Variants in CPED1 observed in about 807,000 individuals in gnomAD.
CPED1 encodes the protein cadherin-like and PC-esterase domain-containing protein 1.
A neutral mutation model predicts 128.2 loss-of-function variants in CPED1; 114 were observed. The ratio of observed to expected loss-of-function variants is 0.89; its 90% CI spans 0.76 to 1.04. The LOEUF (loss-of-function observed/expected upper bound fraction) is 1.04. CPED1 is among the 50% of genes least tolerant of loss of function. The pLI, the probability that CPED1 is intolerant of heterozygous loss-of-function variation, is 0.00. For synonymous variants in CPED1, 462 were observed against 426.7 expected (o/e 1.08, Z -1.02); for missense variants, 1,211 against 1,207.1 (o/e 1.00, Z -0.05).
In CPED1 at chr7:121,244,259, A is replaced by T. The variant is rs745600707; in HGVS notation, c.2231A>T (p.Glu744Val). 1 of 1,614,154 alleles carries T rather than the reference A, an allele frequency of 6.2e-7. No homozygotes were observed. Among genetic ancestry groups the T allele is most frequent in the Non-Finnish European group, 8.5e-7 (1 of 1,180,006 alleles). ...GACAACAGGACGTGTGACTGGAGAG[A>T]AATAACCTGGCAGCCCCACAACTGC... Reference protein sequence around the residue: ...CSDNRTCDWREITWQPHNCQY... With the variant: ...CSDNRTCDWRVITWQPHNCQY... Residue 744 changes from glutamate (E) to valine (V), a missense_variant, in exon 18 of 23, where the codon GAA (glutamate) becomes GTA (valine). By Grantham distance (121) the Glu-to-Val change is moderately radical. Transcript: ENST00000310396.
chr7:120,999,678 A>T (rs1016357099), intron 2 of CPED1, among the ~76,000 whole-genome samples: 1 of 152,188 alleles, frequency 6.6e-6, no homozygotes, highest in Non-Finnish European at 1.5e-5. Flanking sequence ...ACACACTAAC[A>T]GGTACGCAAC....
intron 18 of CPED1, among the ~76,000 whole-genome samples, chr7:121,245,154 C>T (rs1408536706): frequency 6.6e-6 from 1 of 152,064 alleles, no homozygotes; most frequent in Non-Finnish European, 1.5e-5. Context: ...GAAAAAAAGG[C>T]CTGGGCAGAA....
rs750939780 is a variant in CPED1 at position 121,015,811 on chromosome 7, G to C, written c.396G>C (p.Arg132Ser). ...ATACGGTTGTCATCGCTGAAGAAAG[G>C]CTCAATGCTGGCCTAGGGCCGGGGC... is the stretch of plus-strand genomic sequence containing the variant. ...HGYTVVIAEE[R>S]LNAGLGPGLL... The change falls in exon 3 of 23, where the codon AGG becomes AGC. Residue 132 changes from arginine (R) to serine (S), a missense_variant. By Grantham distance (110) the Arg-to-Ser change is moderately radical (BLOSUM62 -1). Coordinates refer to ENST00000310396, the MANE Select transcript of CPED1 (RefSeq NM_024913.5). The C allele has an allele frequency of 1.3e-5, 20 of 1,591,972 alleles. No homozygotes were observed. The highest frequency in any genetic ancestry group is 1.6e-5 in the Non-Finnish European group (19 of 1,172,878).
At chr7:121,148,996 A>T (rs1243032806) in intron 16 of CPED1, among the ~76,000 whole-genome samples, 1 of 152,152 alleles carries the variant, frequency 6.6e-6, no homozygotes, top group Non-Finnish European at 1.5e-5. Context: ...GTTTCACGGT[A>T]AGAGATCTTT....
chr7:120,989,938 T>C (rs1796283545), intron 2 of CPED1, 68 bp downstream of exon 2: 2 of 1,575,698 alleles, frequency 1.3e-6, no homozygotes, highest in Non-Finnish European at 1.7e-6. Flanking sequence ...CTGTCCTTTC[T>C]ATAAAACTAA....
At chr7:121,002,675 A>T (rs1054282674) in intron 2 of CPED1, among the ~76,000 whole-genome samples, 1 of 152,044 alleles carries the variant, frequency 6.6e-6, no homozygotes, top group African/African-American at 2.4e-5. Flanking sequence ...TTCTTTTAAA[A>T]AAACAATGAT....
intron 2 of CPED1, among the ~76,000 whole-genome samples, chr7:121,000,533 A>G (rs1791822099): frequency 6.6e-6 from 1 of 152,162 alleles, no homozygotes; most frequent in Admixed American, 6.6e-5. Flanking sequence ...TGGATTTGGC[A>G]GTGCAGAATG....
In CPED1 at chr7:121,187,643, G is replaced by A. The variant is rs116144689; in HGVS notation, c.2055+45502G>A. Among the ~76,000 whole-genome samples, 801 of 152,210 alleles carry A rather than the reference G, an allele frequency of 5.3e-3. 8 individuals are homozygous for A. Among genetic ancestry groups the A allele is most frequent in the African/African-American group, 0.018 (763 of 41,544 alleles). On this transcript the variant is annotated intron_variant, in intron 16 of 22. Transcript: ENST00000310396. ...CAAGAGCAGTAAACACACAAGAGCA[G>A]TAAACACTCTAGGTCTTTCAAACAG...
rs1233185158 is a variant in CPED1, at chr7:121,296,611, T to C, written c.*959T>C. On this transcript the variant is annotated 3_prime_UTR_variant, in exon 23 of 23. Coordinates refer to ENST00000310396, the MANE Select transcript of CPED1 (RefSeq NM_024913.5). ...ATGTCCACAAATAGTATTATGTTAC[T>C]AGTATCTATATTTTGATTTTCCTGA... The C allele has an allele frequency of 6.6e-6, 1 of 152,166 alleles. No individual in the cohort carries two copies. The highest frequency in any genetic ancestry group is 1.5e-5 in the Non-Finnish European group (1 of 67,974). 9.4% of individuals were successfully genotyped at this position (152,166 alleles called of 1,614,324 possible).
chr7:121,239,811 A>G (rs80269068), intron 17 of CPED1, among the ~76,000 whole-genome samples: 9,911 of 152,244 alleles, frequency 0.065, 425 homozygotes, highest in Non-Finnish European at 0.08. Context: ...AGCTATAATT[A>G]TAAGTCAAAT....
At chr7:120,995,843 A>T (rs1305697012) in intron 2 of CPED1, among the ~76,000 whole-genome samples, 9 of 152,138 alleles carry the variant, frequency 5.9e-5, no homozygotes. Context: ...AAAGACCACA[A>T]CATTCTTCAG....
At chr7:121,294,806 C>CAAAAAAAAAAAAAAAA (rs752742828) in intron 22 of CPED1, among the ~76,000 whole-genome samples, 24 of 61,410 alleles carry the variant, frequency 3.9e-4, no homozygotes, top group African/African-American at 1.4e-3. Flanking sequence ...GCCTTCTAAG[C>CAAAAAAAAAAAAAAAA]AAAAAAAAAA....
chr7:121,112,509 T>C (rs1795138464), intron 7 of CPED1, among the ~76,000 whole-genome samples: 1 of 152,060 alleles, frequency 6.6e-6, no homozygotes, highest in Non-Finnish European at 1.5e-5. Flanking sequence ...AGGCAACGAA[T>C]GAATTGTCCC....
chr7:120,995,115 G>A (rs533522466), intron 2 of CPED1, among the ~76,000 whole-genome samples: 2 of 152,196 alleles, frequency 1.3e-5, no homozygotes, highest in South Asian at 4.2e-4. Context: ...TACCTAATAT[G>A]ATATGCTCCC....
chr7:121,223,065 C>T (rs1261457929), intron 16 of CPED1, among the ~76,000 whole-genome samples: 2 of 152,114 alleles, frequency 1.3e-5, no homozygotes, highest in African/African-American at 4.8e-5. Flanking sequence ...CAGTTTTTGT[C>T]CATTCAGTAT....
rs1459575515 is a variant in CPED1, at chr7:121,238,977, C to T, written c.2173+2146C>T. Among the ~76,000 whole-genome samples, 4 of 152,146 alleles carry T rather than the reference C, an allele frequency of 2.6e-5. No individual in the cohort carries two copies. The East Asian group carries it at 5.8e-4, about 22-fold the overall frequency. On this transcript the variant is annotated intron_variant, in intron 17 of 22. Transcript: ENST00000310396. ...ACTATGAGCAGCCAGGGCACAATCA[C>T]GACAACCAACTGCTCCATCCTCAAG...
At chr7:121,028,479 C>G (rs928294854) in intron 3 of CPED1, among the ~76,000 whole-genome samples, 6 of 152,160 alleles carry the variant, frequency 3.9e-5, no homozygotes, top group African/African-American at 1.4e-4. Flanking sequence ...TATGAGTTGA[C>G]TTGCAAAGTA....
intron 16 of CPED1, among the ~76,000 whole-genome samples, chr7:121,162,989 A>C (rs1197276512): frequency 6.6e-6 from 1 of 152,268 alleles, no homozygotes; most frequent in Non-Finnish European, 1.5e-5. Context: ...AACAAAATCA[A>C]TTCCCAAAGG....
At chr7:121,020,137 A>G (rs1315565294) in intron 3 of CPED1, among the ~76,000 whole-genome samples, 1 of 152,078 alleles carries the variant, frequency 6.6e-6, no homozygotes, top group Non-Finnish European at 1.5e-5. Flanking sequence ...ATCCATGTGA[A>G]AAACAAAATG....
Sources: allele counts gnomAD v4.1 joint callset (sites outside exome capture counted in the v4.1 genomes callset), GRCh38; gene constraint gnomAD v4.1.1; transcripts MANE v1.5; gene names NCBI Gene and HGNC (gene_info 2026-07-23, HGNC 2026-07-21).